Variants in COMMD10 observed in about 807,000 individuals in gnomAD.
COMMD10 encodes the protein COMM domain containing 10.
Under a neutral mutation model 28.9 loss-of-function variants are expected in COMMD10, and 33 were observed. That is an observed-to-expected ratio of 1.14 (90% CI 0.87 to 1.53). The LOEUF is 1.53. Among genes scored for constraint, COMMD10 ranks in the 40% most tolerant of loss-of-function variants. COMMD10 has a pLI of 0.00. For synonymous variants in COMMD10, 110 were observed against 81.7 expected (o/e 1.35, Z -1.87); for missense variants, 310 against 233.4 (o/e 1.33, Z -2.14).
In COMMD10 at chr5:116,284,995, C is replaced by G. The variant is rs565803854; in HGVS notation, c.511-6522C>G. Among the ~76,000 whole-genome samples, 5 of 151,940 alleles carry G rather than the reference C, an allele frequency of 3.3e-5. 1 individual carries two copies. The highest frequency in any genetic ancestry group is 1.2e-4 in the African/African-American group (5 of 41,292). On this transcript the variant is annotated intron_variant, in intron 5 of 6. Transcript: ENST00000274458. ...CCACTTAATTGATGGATAAAACCTTCTGTACATTTTATGACAGGTAAAAAA... is the reference window on the plus strand; with the variant it reads ...CCACTTAATTGATGGATAAAACCTTGTGTACATTTTATGACAGGTAAAAAA...
At chr5:116,174,615 T>A (rs912880212) in intron 5 of COMMD10, among the ~76,000 whole-genome samples, 28 of 130,950 alleles carry the variant, frequency 2.1e-4, no homozygotes, top group Admixed American at 1.8e-3. Flanking sequence ...AATTCCAAAA[T>A]ACTTTGAAGG....
intron 5 of COMMD10, among the ~76,000 whole-genome samples, chr5:116,216,115 G>T (rs2112638777): frequency 6.6e-6 from 1 of 152,124 alleles, no homozygotes; most frequent in South Asian, 2.1e-4. Context: ...ACAGATTAGA[G>T]GTTTAATCCT....
intron 6 of COMMD10, among the ~76,000 whole-genome samples, chr5:116,292,169 G>C (rs949472421): frequency 4.0e-5 from 6 of 151,684 alleles, no homozygotes; most frequent in Admixed American, 6.6e-5. Context: ...ATTATGGAGT[G>C]ATAATTTAAA....
Position 116,089,483 on chromosome 5 carries a change from A to G in COMMD10, c.133-1596A>G, listed in dbSNP as rs531805912. ...TGGGTGCTTGCTTATGTATAAAAAT[A>G]TGGGACAAGAAACTCTTATACATGT... On this transcript the variant is annotated intron_variant, in intron 2 of 6. Transcript: ENST00000274458. Among the ~76,000 whole-genome samples, 29 of 152,346 alleles carry G rather than the reference A, an allele frequency of 1.9e-4. No individual in the cohort carries two copies. The South Asian group carries it at 2.5e-3, about 13-fold the overall frequency.
At chr5:116,087,347 C>T in intron 1 of COMMD10, 150 bp from the exon 2 acceptor site, 1 of 586,488 alleles carries the variant, frequency 1.7e-6, no homozygotes, top group Non-Finnish European at 3.0e-6. Flanking sequence ...GTTGCCCTGC[C>T]TTTTTTGCTG....
chr5:116,127,950 AAACAT>A (rs1407186574), intron 4 of COMMD10, among the ~76,000 whole-genome samples: 2 of 151,902 alleles, frequency 1.3e-5, no homozygotes, highest in Non-Finnish European at 2.9e-5. Context: ...AAAAGGTGGG[AAACAT>A]AACAGATTAT....
intron 4 of COMMD10, among the ~76,000 whole-genome samples, chr5:116,124,574 G>A (rs1751553573): frequency 6.6e-6 from 1 of 152,166 alleles, no homozygotes; most frequent in African/African-American, 2.4e-5. Flanking sequence ...TTCTGTAGAT[G>A]TCTATTAGGT....
At chr5:116,105,649 G>A (rs540536833) in intron 4 of COMMD10, among the ~76,000 whole-genome samples, 1 of 152,170 alleles carries the variant, frequency 6.6e-6, no homozygotes, top group East Asian at 1.9e-4. Context: ...TCTTATTGCT[G>A]TATTCAGGGA....
intron 5 of COMMD10, among the ~76,000 whole-genome samples, chr5:116,142,354 A>C (rs1372181248): frequency 6.6e-6 from 1 of 151,798 alleles, no homozygotes; most frequent in Non-Finnish European, 1.5e-5. Context: ...TTACATTGTA[A>C]TAAACATCTT....
chr5:116,174,522 T>C (rs1186699339), intron 5 of COMMD10, among the ~76,000 whole-genome samples: 1 of 152,150 alleles, frequency 6.6e-6, no homozygotes, highest in Non-Finnish European at 1.5e-5. Flanking sequence ...AACTGATGGA[T>C]AATCAATTAG....
chr5:116,184,880 A>G (rs191208356), intron 5 of COMMD10, among the ~76,000 whole-genome samples: 1 of 152,218 alleles, frequency 6.6e-6, no homozygotes, highest in East Asian at 1.9e-4. Flanking sequence ...CTTTTAAATC[A>G]GCTTTGAATC....
In COMMD10 at chr5:116,114,584, C is replaced by CA. The variant is rs561152429; in HGVS notation, c.400-19483dup. 1.1e-4 allele frequency among the ~76,000 whole-genome samples: 16 copies of CA among 152,268 alleles called. No individual in the cohort carries two copies. The East Asian group carries it at 2.1e-3, about 20-fold the overall frequency. ...GAAGTCCAGATCCTGCATTGTGTCT[C>CA]AGAGAGTAGGGCAAAGCTGGGTAAA... On this transcript the variant is annotated intron_variant, in intron 4 of 6. Transcript: ENST00000274458.
chr5:116,150,945 AG>A (rs1449077053), intron 5 of COMMD10, among the ~76,000 whole-genome samples: 1 of 151,818 alleles, frequency 6.6e-6, no homozygotes, highest in African/African-American at 2.4e-5. Flanking sequence ...TAGTGTTCAA[AG>A]TGAAAGCTTC....
At chr5:116,183,578 G>T (rs1748044196) in intron 5 of COMMD10, among the ~76,000 whole-genome samples, 1 of 152,022 alleles carries the variant, frequency 6.6e-6, no homozygotes, top group South Asian at 2.1e-4. Context: ...ATTTAAACTT[G>T]TAACTTTCTT....
Position 116,267,323 on chromosome 5 carries a change from AATC to A in COMMD10, c.511-24191_511-24189del, listed in dbSNP as rs1171698587. Among the ~76,000 whole-genome samples the A allele has an allele frequency of 2.0e-5, 3 of 152,080 alleles. No individual in the cohort carries two copies. The South Asian group carries it at 6.2e-4, about 32-fold the overall frequency. On this transcript the variant is annotated intron_variant, in intron 5 of 6. Coordinates refer to ENST00000274458, the MANE Select transcript of COMMD10 (RefSeq NM_016144.4). ...CCAATAACAGACAAACAGAGAGTGA[AATC>A]ATGAGTGAACTCCCATTCACAATGG...
At chr5:116,152,270 C>A (rs1030504389) in intron 5 of COMMD10, among the ~76,000 whole-genome samples, 1 of 152,036 alleles carries the variant, frequency 6.6e-6, no homozygotes, top group Non-Finnish European at 1.5e-5. Context: ...GAGAGCTTTA[C>A]TTAAATGAAT....
At chr5:116,270,169 G>A (rs543422760) in intron 5 of COMMD10, among the ~76,000 whole-genome samples, 1 of 151,882 alleles carries the variant, frequency 6.6e-6, no homozygotes, top group South Asian at 2.1e-4. Flanking sequence ...TTTACTAAAG[G>A]GAAGGAGATG....
At chr5:116,092,832 A>G (rs930075535) in intron 4 of COMMD10, 132 bp downstream of exon 4, 3 of 542,026 alleles carry the variant, frequency 5.5e-6, no homozygotes, top group Non-Finnish European at 9.2e-6. Context: ...ATGCTCCTCA[A>G]CTTACAATGG....
intron 5 of COMMD10, among the ~76,000 whole-genome samples, chr5:116,257,725 A>G (rs902963659): frequency 2.0e-5 from 3 of 151,752 alleles, no homozygotes; most frequent in African/African-American, 4.9e-5. Context: ...AAGAAATAAT[A>G]TATCAAATAA....
Sources: allele counts gnomAD v4.1 joint callset (sites outside exome capture counted in the v4.1 genomes callset), GRCh38; gene constraint gnomAD v4.1.1; transcripts MANE v1.5; gene names NCBI Gene and HGNC (gene_info 2026-07-23, HGNC 2026-07-21).